ZNF438: variants seen among roughly 807,000 people sequenced by gnomAD.
The protein encoded by ZNF438 is zinc finger protein 438.
ZNF438 carries 25 observed loss-of-function variants against 38.0 expected under a neutral mutation model. The ratio of observed to expected loss-of-function variants is 0.66; its 90% CI spans 0.48 to 0.92. ZNF438 has a LOEUF of 0.92. ZNF438 is among the 40% of genes least tolerant of loss of function. The pLI, the probability that ZNF438 is intolerant of heterozygous loss-of-function variation, is 0.00. For missense variants in ZNF438, 1,007 were observed against 999.6 expected (o/e 1.01, Z -0.10); for synonymous variants, 372 against 364.1 (o/e 1.02, Z -0.25).
chr10:30,949,864 C>T (rs1303960203), intron 1 of ZNF438, among the ~76,000 whole-genome samples: 2 of 152,006 alleles, frequency 1.3e-5, no homozygotes, highest in Admixed American at 6.6e-5. Flanking sequence ...CAAGGATATC[C>T]AGGAATTGAA....
chr10:30,900,274 C>T lies in ZNF438; in HGVS notation c.-32+8659G>A, dbSNP rs146732608. ...ATAAAAATCATTCTTAGCTTGCAGG[C>T]CACACAAAACCAGGCCCAATTTGGT... On this transcript the variant is annotated intron_variant, in intron 3 of 5. Transcript: ENST00000413025. 4.6e-3 allele frequency among the ~76,000 whole-genome samples: 704 copies of T among 151,954 alleles called. 4 individuals carry two copies. The highest frequency in any genetic ancestry group is 0.016 in the African/African-American group (648 of 41,424).
intron 1 of ZNF438, among the ~76,000 whole-genome samples, chr10:30,947,324 G>A (rs930371325): frequency 6.6e-6 from 1 of 152,240 alleles, no homozygotes; most frequent in Non-Finnish European, 1.5e-5. Context: ...GTCTTCAGGG[G>A]ATGTGTTTAG....
chr10:30,943,859 A>AAAAC (rs10522911), intron 1 of ZNF438, among the ~76,000 whole-genome samples: 8,662 of 150,680 alleles, frequency 0.057, 279 homozygotes, highest in East Asian at 0.15. Flanking sequence ...TTGAGATGGT[A>AAAAC]AAACAAACAA....
At chr10:30,956,533 C>T (rs547970251) in intron 1 of ZNF438, among the ~76,000 whole-genome samples, 57 of 152,270 alleles carry the variant, frequency 3.7e-4, no homozygotes, top group African/African-American at 1.3e-3. Flanking sequence ...TGTAGGTTTG[C>T]ACTTGTTGAC....
intron 2 of ZNF438, among the ~76,000 whole-genome samples, chr10:30,915,721 AT>A (rs1346662450): frequency 6.6e-6 from 1 of 152,048 alleles, no homozygotes; most frequent in African/African-American, 2.4e-5. Flanking sequence ...CATCCTGAGA[AT>A]TTTTATCACA....
intron 1 of ZNF438, among the ~76,000 whole-genome samples, chr10:30,966,436 C>T (rs558020035): frequency 2.0e-4 from 31 of 151,992 alleles, no homozygotes; most frequent in African/African-American, 6.8e-4. Context: ...TTTAGAAGGC[C>T]GAGGCGGGTG....
chr10:30,948,875 G>A (rs1254343358), intron 1 of ZNF438, among the ~76,000 whole-genome samples: 74 of 151,376 alleles, frequency 4.9e-4, no homozygotes, highest in Middle Eastern at 6.8e-3. Context: ...GCAGGCCAAC[G>A]TTCAGATTCA....
At chr10:30,861,550 T>G (rs907520351) in intron 4 of ZNF438, among the ~76,000 whole-genome samples, 1 of 152,210 alleles carries the variant, frequency 6.6e-6, no homozygotes, top group Non-Finnish European at 1.5e-5. Flanking sequence ...CTGAAGTAAC[T>G]AATTATTCTT....
rs745917402 is a variant in ZNF438 at position 30,846,207 on chromosome 10, G to A, written c.1875-634C>T. On this transcript the variant is annotated intron_variant, in intron 5 of 5. Coordinates refer to ENST00000413025, the Ensembl canonical transcript of ZNF438. ...TAGGTACAATGTCCAAACTACATTT[G>A]GCAAGAGCGTCTGTTTTCATTTGGG... Among the ~76,000 whole-genome samples the A allele has an allele frequency of 1.5e-4, 23 of 152,176 alleles. 1 individual carries two copies. Among genetic ancestry groups the A allele is most frequent in the Non-Finnish European group, 4.4e-5 (3 of 68,038 alleles).
exon 5 of ZNF438, chr10:30,848,543 C>T: frequency 2.5e-6 from 4 of 1,611,254 alleles, no homozygotes; most frequent in Non-Finnish European, 1.7e-6. Flanking sequence ...CTCCAATGAT[C>T]CCTCCATGCC....
At chr10:31,031,860 C>G (rs762174861) in exon 1 of ZNF438, 95 of 152,702 alleles carry the variant, frequency 6.2e-4, no homozygotes, top group Non-Finnish European at 1.1e-3. Context: ...CGCGTCACAG[C>G]GGGGTGACGT....
chr10:31,010,775 G>C (rs987209157), intron 1 of ZNF438, among the ~76,000 whole-genome samples: 2 of 151,452 alleles, frequency 1.3e-5, no homozygotes, highest in African/African-American at 4.9e-5. Flanking sequence ...TGTAGTTCTA[G>C]GTACTTTCTT....
intron 2 of ZNF438, among the ~76,000 whole-genome samples, chr10:30,914,492 T>C (rs2043394297): frequency 6.6e-6 from 1 of 151,974 alleles, no homozygotes; most frequent in African/African-American, 2.4e-5. Flanking sequence ...AAAATCTGAA[T>C]AAGATCTAGA....
rs78218775 is a variant in ZNF438, at chr10:30,957,890, T to C, written c.-191-16239A>G. Among the ~76,000 whole-genome samples, 853 of 118,312 alleles carry C rather than the reference T, an allele frequency of 7.2e-3. 33 individuals are homozygous for C. Among genetic ancestry groups the C allele is most frequent in the African/African-American group, 0.021 (812 of 38,920 alleles). The allele number at this position is 118,312 out of a possible 152,430, so 77.6% of individuals were successfully genotyped here. On this transcript the variant is annotated intron_variant, in intron 1 of 5. Transcript: ENST00000413025. The stretch of plus-strand genomic sequence containing the variant: ...ATTCAATTTTGTGACTCATTATTGC[T>C]GTACTCAGGTGTTCTATTCCATTAT...
chr10:30,845,377 C>T, exon 6 of ZNF438: 1 of 1,614,170 alleles, frequency 6.2e-7, no homozygotes, highest in Non-Finnish European at 8.5e-7. Flanking sequence ...ACCAACTCTT[C>T]CTGAGTCCCC....
chr10:30,866,099 A>G (rs1022998443), intron 4 of ZNF438, among the ~76,000 whole-genome samples: 2 of 152,206 alleles, frequency 1.3e-5, no homozygotes, highest in Non-Finnish European at 2.9e-5. Flanking sequence ...GTGGAACAAC[A>G]AAAAAGCAGT....
At chr10:30,848,849 T>C in exon 5 of ZNF438, 1 of 1,614,220 alleles carries the variant, frequency 6.2e-7, no homozygotes. Context: ...AAGGTGCTGT[T>C]TGAACTGGAA....
At chr10:30,976,964 G>A (rs536777092) in intron 1 of ZNF438, among the ~76,000 whole-genome samples, 1 of 152,220 alleles carries the variant, frequency 6.6e-6, no homozygotes, top group African/African-American at 2.4e-5. Context: ...AGGTATTTAG[G>A]TATCTCATAA....
intron 1 of ZNF438, among the ~76,000 whole-genome samples, chr10:31,014,810 TCTTA>T (rs1173417740): frequency 1.4e-4 from 21 of 152,042 alleles, no homozygotes; most frequent in African/African-American, 3.6e-4. Context: ...AATATGTCAT[TCTTA>T]CTGTTATAAT....
Sources: gnomAD v4.1 joint callset for allele counts (sites outside exome capture counted in the v4.1 genomes callset) on GRCh38, gnomAD v4.1.1 for gene constraint, MANE v1.5 for transcripts, NCBI Gene and HGNC (gene_info 2026-07-23, HGNC 2026-07-21) for gene names.